LYPLAL1: variants seen among roughly 807,000 people sequenced by gnomAD.
The protein encoded by LYPLAL1 is lysophospholipase-like protein 1.
In LYPLAL1, 23 loss-of-function variants were observed where a neutral mutation model predicts 19.7. The observed-to-expected ratio is 1.17, with a 90% confidence interval of 0.84 to 1.65. The LOEUF (loss-of-function observed/expected upper bound fraction) is 1.65, where lower values mean the gene tolerates loss of function less well. Ranked by LOEUF, LYPLAL1 falls within the 40% of genes most tolerant of loss-of-function variation. The probability of loss-of-function intolerance (pLI) is 0.00; values close to 1 mark genes in which losing one functional copy is unlikely to be tolerated. For missense variants in LYPLAL1, 355 were observed against 279.4 expected (o/e 1.27, Z -1.93); for synonymous variants, 119 against 96.3 (o/e 1.24, Z -1.38).
the LYPLAL1 span, among the ~76,000 whole-genome samples, chr1:219,422,738 A>G: frequency 6.6e-6 from 1 of 152,174 alleles, no homozygotes; most frequent in Non-Finnish European, 1.5e-5. Context: ...CGTTGGTTGG[A>G]TGCTTGGGGA....
At chr1:219,239,935 T>G in the LYPLAL1 span, among the ~76,000 whole-genome samples, 1 of 152,232 alleles carries the variant, frequency 6.6e-6, no homozygotes, top group South Asian at 2.1e-4. Context: ...TGAGATGCAA[T>G]GTTTTTACCT....
At chr1:219,368,110 T>G in the LYPLAL1 span, among the ~76,000 whole-genome samples, 1 of 152,186 alleles carries the variant, frequency 6.6e-6, no homozygotes, top group Non-Finnish European at 1.5e-5. Flanking sequence ...ATCTATCTCA[T>G]TTGTCTTTGA....
chr1:219,384,602 A>T, the LYPLAL1 span, among the ~76,000 whole-genome samples: 3 of 152,194 alleles, frequency 2.0e-5, no homozygotes, highest in African/African-American at 7.2e-5. Context: ...TCTGATTATG[A>T]TCTTTGATCA....
chr1:219,443,321 G>A, the LYPLAL1 span, among the ~76,000 whole-genome samples: 29 of 152,266 alleles, frequency 1.9e-4, no homozygotes, highest in African/African-American at 6.7e-4. Context: ...GCCCAGCACT[G>A]AAGGATTTTA....
chr1:219,246,351 A>G, the LYPLAL1 span, among the ~76,000 whole-genome samples: 1 of 152,126 alleles, frequency 6.6e-6, no homozygotes, highest in African/African-American at 2.4e-5. Context: ...CTTCATTAAC[A>G]TATCTAAAGT....
the LYPLAL1 span, among the ~76,000 whole-genome samples, chr1:219,224,056 T>A: frequency 6.6e-6 from 1 of 152,178 alleles, no homozygotes; most frequent in African/African-American, 2.4e-5. Context: ...ACATATTAAT[T>A]TTGGCAACTT....
At chr1:219,246,391 A>G in the LYPLAL1 span, among the ~76,000 whole-genome samples, 1 of 152,100 alleles carries the variant, frequency 6.6e-6, no homozygotes, top group African/African-American at 2.4e-5. Flanking sequence ...TATTAGTACT[A>G]AAGCTGACAT....
the LYPLAL1 span, among the ~76,000 whole-genome samples, chr1:219,443,347 G>A: frequency 2.0e-5 from 3 of 152,138 alleles, no homozygotes; most frequent in Non-Finnish European, 4.4e-5. Context: ...AATAATGTTA[G>A]CAATGCCAAT....
chr1:219,248,193 C>T, the LYPLAL1 span, among the ~76,000 whole-genome samples: 296 of 152,174 alleles, frequency 1.9e-3, 1 homozygote, highest in African/African-American at 6.8e-3. Flanking sequence ...TGTTTGATGT[C>T]GACGAGGTCC....
chr1:219,264,932 C>T, the LYPLAL1 span, among the ~76,000 whole-genome samples: 3 of 152,174 alleles, frequency 2.0e-5, no homozygotes, highest in Non-Finnish European at 4.4e-5. Context: ...CACATTACGT[C>T]GCCAACAGTC....
chr1:219,324,965 G>A, the LYPLAL1 span, among the ~76,000 whole-genome samples: 4 of 152,130 alleles, frequency 2.6e-5, no homozygotes, highest in Admixed American at 2.6e-4. Flanking sequence ...GTTTGATGGT[G>A]CACACAGGAG....
chr1:219,374,919 A>G, the LYPLAL1 span, among the ~76,000 whole-genome samples: 4 of 152,122 alleles, frequency 2.6e-5, no homozygotes, highest in African/African-American at 9.7e-5. Flanking sequence ...CCCAGCCCCA[A>G]ATTACTTGGG....
chr1:219,178,427 G>A (rs1655994119), intron 1 of LYPLAL1, among the ~76,000 whole-genome samples: 1 of 152,156 alleles, frequency 6.6e-6, no homozygotes, highest in Admixed American at 6.5e-5. Context: ...GGATTCAATA[G>A]GCAGTTTTTG....
chr1:219,210,023 A>C (rs1658880357), intron 3 of LYPLAL1, among the ~76,000 whole-genome samples: 1 of 152,130 alleles, frequency 6.6e-6, no homozygotes, highest in South Asian at 2.1e-4. Context: ...TAATCCAAAA[A>C]TGTGTTAACT....
At chr1:219,255,465 T>C in the LYPLAL1 span, among the ~76,000 whole-genome samples, 23,504 of 151,940 alleles carry the variant, frequency 0.15, 2,310 homozygotes, top group Non-Finnish European at 0.21. Flanking sequence ...GCAGCAAACT[T>C]GCTAAATTCA....
the LYPLAL1 span, among the ~76,000 whole-genome samples, chr1:219,409,303 G>C: frequency 1.3e-5 from 2 of 151,896 alleles, no homozygotes; most frequent in Admixed American, 6.6e-5. Flanking sequence ...ACAAAAATTA[G>C]CCGGGTGTGG....
chr1:219,428,201 AT>A, the LYPLAL1 span, among the ~76,000 whole-genome samples: 1 of 152,206 alleles, frequency 6.6e-6, no homozygotes, highest in Non-Finnish European at 1.5e-5. Context: ...GATTTAATCC[AT>A]GTGTTCCTGA....
At chr1:219,320,666 C>T in the LYPLAL1 span, among the ~76,000 whole-genome samples, 1 of 152,058 alleles carries the variant, frequency 6.6e-6, no homozygotes, top group Non-Finnish European at 1.5e-5. Flanking sequence ...GTTCAGTTCC[C>T]ACCTCTGAGT....
At chr1:219,215,671 TC>T (rs1370443612), downstream of LYPLAL1, among the ~76,000 whole-genome samples, 3 of 152,142 alleles carry the variant, frequency 2.0e-5, no homozygotes, top group Admixed American at 2.0e-4. Flanking sequence ...CTGTGTCTCA[TC>T]TCAGGGAGTC....
Sources: allele counts gnomAD v4.1 joint callset (sites outside exome capture counted in the v4.1 genomes callset), GRCh38; gene constraint gnomAD v4.1.1; transcripts MANE v1.5; gene names NCBI Gene and HGNC (gene_info 2026-07-23, HGNC 2026-07-21).